Variants in MYCBP2 observed in about 807,000 individuals in gnomAD.
MYCBP2 encodes MYC binding protein 2.
Under a neutral mutation model 525.3 loss-of-function variants are expected in MYCBP2, and 120 were observed. The observed-to-expected ratio is 0.23, with a 90% CI of 0.20 to 0.27. MYCBP2 has a LOEUF of 0.27. MYCBP2 is among the 10% of genes least tolerant of loss of function. The pLI is 1.00. For synonymous variants in MYCBP2, 1,894 were observed against 1,955.8 expected (o/e 0.97, Z 0.83); for missense variants, 4,149 against 5,657.1 (o/e 0.73, Z 8.55).
At chr13:77,127,824 C>T (rs1287919283) in intron 52 of MYCBP2, among the ~76,000 whole-genome samples, 2 of 151,766 alleles carry the variant, frequency 1.3e-5, no homozygotes, top group Non-Finnish European at 3.0e-5. Flanking sequence ...TTGTTAATTC[C>T]ATACATGACT....
At chr13:77,212,610 AAAAT>A (rs2064177833) in intron 21 of MYCBP2, among the ~76,000 whole-genome samples, 1 of 152,248 alleles carries the variant, frequency 6.6e-6, no homozygotes, top group Non-Finnish European at 1.5e-5. Flanking sequence ...TAAAAAGACC[AAAAT>A]AAATACTGAA....
intron 43 of MYCBP2, among the ~76,000 whole-genome samples, chr13:77,162,452 A>T (rs1212388773): frequency 1.3e-5 from 2 of 152,202 alleles, no homozygotes; most frequent in African/African-American, 4.8e-5. Context: ...TTGATAGTTT[A>T]ATTATTAAAT....
At chr13:77,258,005 G>A (rs573363182) in intron 13 of MYCBP2, among the ~76,000 whole-genome samples, 176 bp from the exon 14 acceptor site, 135 of 152,278 alleles carry the variant, frequency 8.9e-4, no homozygotes, top group African/African-American at 3.0e-3. Context: ...ACTTTGTAAC[G>A]TAGCTTCAGT....
At chr13:77,203,381 C>T (rs1045321676) in intron 26 of MYCBP2, among the ~76,000 whole-genome samples, 22 of 151,954 alleles carry the variant, frequency 1.4e-4, no homozygotes, top group Non-Finnish European at 2.6e-4. Context: ...AACCACTGCT[C>T]AAGGAAATAA....
chr13:77,181,591 G>T, intron 33 of MYCBP2, 110 bp downstream of exon 33: 1 of 663,660 alleles, frequency 1.5e-6, no homozygotes, highest in South Asian at 2.5e-5. Context: ...AGCTAAATAC[G>T]CTTAGCTTGG....
At chr13:77,249,721 T>C (rs1001419993) in intron 15 of MYCBP2, among the ~76,000 whole-genome samples, 3 of 152,070 alleles carry the variant, frequency 2.0e-5, no homozygotes, top group Non-Finnish European at 2.9e-5. Flanking sequence ...GGAAATAGCG[T>C]TGGAGAGATC....
intron 14 of MYCBP2, among the ~76,000 whole-genome samples, chr13:77,255,178 G>A (rs1045120746): frequency 2.0e-5 from 3 of 151,474 alleles, no homozygotes; most frequent in East Asian, 1.9e-4. Context: ...ACCTTCATAC[G>A]AATGAAAAAT....
chr13:77,174,037 G>A (rs1326128376), intron 37 of MYCBP2, among the ~76,000 whole-genome samples: 4 of 152,136 alleles, frequency 2.6e-5, no homozygotes, highest in Non-Finnish European at 5.9e-5. Context: ...AGAAATTATA[G>A]AGTGACAGCA....
At chr13:77,312,487 T>C (rs2080377827) in intron 1 of MYCBP2, among the ~76,000 whole-genome samples, 1 of 151,962 alleles carries the variant, frequency 6.6e-6, no homozygotes. Context: ...GGTTGCAAGG[T>C]TTCTGTGTTT....
At chr13:77,259,444 G>T (rs1447929134) in intron 13 of MYCBP2, among the ~76,000 whole-genome samples, 1 of 152,090 alleles carries the variant, frequency 6.6e-6, no homozygotes, top group African/African-American at 2.4e-5. Flanking sequence ...AATATATGTT[G>T]AAGAAATATA....
intron 55 of MYCBP2, among the ~76,000 whole-genome samples, chr13:77,107,849 C>G (rs2048090249): frequency 6.6e-6 from 1 of 152,140 alleles, no homozygotes; most frequent in South Asian, 2.1e-4. Context: ...GATGCAGTAT[C>G]ACTGCATAAT....
chr13:77,057,705 T>C (rs1025932079), intron 78 of MYCBP2, among the ~76,000 whole-genome samples: 3 of 152,118 alleles, frequency 2.0e-5, no homozygotes, highest in African/African-American at 7.2e-5. Context: ...AAATCACAAA[T>C]TAAAGCTGAG....
chr13:77,184,556 G>A (rs1363955712), intron 32 of MYCBP2, among the ~76,000 whole-genome samples: 1 of 152,082 alleles, frequency 6.6e-6, no homozygotes, highest in Non-Finnish European at 1.5e-5. Context: ...GATGTTTTTG[G>A]CCTAGTTCCT....
intron 1 of MYCBP2, among the ~76,000 whole-genome samples, chr13:77,325,814 T>G (rs573880344): frequency 1.3e-5 from 2 of 152,178 alleles, no homozygotes; most frequent in African/African-American, 4.8e-5. Flanking sequence ...GTTATCAAAG[T>G]ACAGCTCTAA....
chr13:77,145,883 A>G (rs1202711817), intron 48 of MYCBP2, among the ~76,000 whole-genome samples: 1 of 151,690 alleles, frequency 6.6e-6, no homozygotes, highest in Non-Finnish European at 1.5e-5. Flanking sequence ...ATCAACCCTA[A>G]ACAAGTCAAT....
In MYCBP2 at chr13:77,103,148, C is replaced by T. The variant is rs578066549; in HGVS notation, c.8141-4135G>A. Reference sequence around the variant, plus strand: ...ACATGACTGAGACGAACGGAAACATCTTTAATGACACTCCTTATGTTCATT... The same window carrying T: ...ACATGACTGAGACGAACGGAAACATTTTTAATGACACTCCTTATGTTCATT... On this transcript the variant is annotated intron_variant, in intron 55 of 82. Transcript: ENST00000544440. 11 of 396,768 alleles carry T rather than the reference C, an allele frequency of 2.8e-5. No individual in the cohort carries two copies. The East Asian group carries it at 3.6e-4, about 13-fold the overall frequency. The allele number at this position is 396,768 out of a possible 1,614,324, so 24.6% of individuals were successfully genotyped here.
chr13:77,150,651 T>C (rs2056329020), intron 47 of MYCBP2, 83 bp downstream of exon 47: 13 of 1,093,728 alleles, frequency 1.2e-5, no homozygotes, highest in Middle Eastern at 2.5e-4. Context: ...TACAATTTCA[T>C]GTCTGCATCT....
intron 2 of MYCBP2, among the ~76,000 whole-genome samples, chr13:77,293,574 T>G (rs2077717478): frequency 6.6e-6 from 1 of 152,208 alleles, no homozygotes; most frequent in Non-Finnish European, 1.5e-5. Flanking sequence ...CAAAAGGGAC[T>G]CTGTATATGT....
At chr13:77,296,770 ATCTTTT>A in intron 1 of MYCBP2, 96 bp from the exon 2 acceptor site, 3 of 997,580 alleles carry the variant, frequency 3.0e-6, no homozygotes, top group Non-Finnish European at 2.8e-6. Context: ...AGACATTTGG[ATCTTTT>A]TCTTGCAAAA....
Sources: allele counts gnomAD v4.1 joint callset (sites outside exome capture counted in the v4.1 genomes callset), GRCh38; gene constraint gnomAD v4.1.1; transcripts MANE v1.5; gene names NCBI Gene and HGNC (gene_info 2026-07-23, HGNC 2026-07-21).